The following NOL10 variants were observed in gnomAD, a reference collection of about 807,000 sequenced individuals.
NOL10 encodes nucleolar protein 10.
Under a neutral mutation model 103.5 loss-of-function variants are expected in NOL10, and 58 were observed. The ratio of observed to expected loss-of-function variants is 0.56; its 90% CI spans 0.45 to 0.70. The LOEUF (loss-of-function observed/expected upper bound fraction) is 0.70, where lower values mean the gene tolerates loss of function less well. NOL10 is among the 30% of genes least tolerant of loss of function. The probability of loss-of-function intolerance (pLI) is 0.00; values close to 1 mark genes in which losing one functional copy is unlikely to be tolerated. For missense variants in NOL10, 763 were observed against 807.3 expected, an observed-to-expected ratio of 0.95 and a Z score of 0.67; for synonymous variants, 287 against 282.5, an observed-to-expected ratio of 1.02 and a Z score of -0.16.
chr2:10,593,369 C>T (rs901054958), intron 17 of NOL10, among the ~76,000 whole-genome samples: 2 of 152,074 alleles, frequency 1.3e-5, no homozygotes, highest in Non-Finnish European at 2.9e-5. Flanking sequence ...AAACTTCTGA[C>T]CTGGTGATTC....
chr2:10,600,336 T>G (rs1212428900), intron 17 of NOL10, among the ~76,000 whole-genome samples: 1 of 152,222 alleles, frequency 6.6e-6, no homozygotes. Context: ...GAAGTTACAC[T>G]TCAGCCTGCA....
intron 1 of NOL10, among the ~76,000 whole-genome samples, chr2:10,686,539 T>C (rs1183266306): frequency 6.6e-6 from 1 of 152,114 alleles, no homozygotes; most frequent in Non-Finnish European, 1.5e-5. Context: ...AGGATCACCC[T>C]GGCAGCTTAC....
Position 10,646,661 on chromosome 2 carries a change from G to A in NOL10, c.974-2289C>T, listed in dbSNP as rs1264232826. Among the ~76,000 whole-genome samples the A allele has an allele frequency of 2.6e-5, 4 of 152,230 alleles. No homozygotes were observed. The South Asian group carries it at 8.3e-4, about 31-fold the overall frequency. On this transcript the variant is annotated intron_variant, in intron 12 of 20. Coordinates refer to ENST00000381685, the MANE Select transcript of NOL10 (RefSeq NM_024894.4). ...AGAAATTAAGATGATCAAGGCAGGAGAAGAGAAGAGCATGAGCATCGCGCC... is the reference window on the plus strand; with the variant it reads ...AGAAATTAAGATGATCAAGGCAGGAAAAGAGAAGAGCATGAGCATCGCGCC...
intron 20 of NOL10, among the ~76,000 whole-genome samples, chr2:10,574,860 C>T (rs1410281929): frequency 6.6e-6 from 1 of 152,170 alleles, no homozygotes; most frequent in Non-Finnish European, 1.5e-5. Context: ...TTTTGGGAAG[C>T]TCTGCCAGAC....
chr2:10,644,199 G>C, intron 13 of NOL10, 121 bp downstream of exon 13: 1 of 644,314 alleles, frequency 1.6e-6, no homozygotes, highest in Non-Finnish European at 2.5e-6. Context: ...AGTGGGCTGA[G>C]GCTGCACCAC....
In NOL10 at chr2:10,589,284, C is replaced by T. The variant is rs143884971; in HGVS notation, c.1603G>A (p.Glu535Lys). 3 of 1,613,526 alleles carry T rather than the reference C, an allele frequency of 1.9e-6. No homozygotes were observed. The highest frequency in any genetic ancestry group is 2.5e-6 in the Non-Finnish European group (3 of 1,179,852). ...EQQELREKEE[E>K]EEPEGKPSDA... is the part of the protein sequence containing the mutation. ...CTTGGTTTTCCTTCCGGCTCTTCCT[C>T]CTCTTCCTGAGAATAAAAATAGTAA... Residue 535 changes from glutamate to lysine, a missense_variant, in exon 19 of 21, where the codon GAG (glutamate) becomes AAG (lysine). Physicochemically the swap from Glu to Lys is moderately conservative, Grantham distance 56. Coordinates refer to ENST00000381685, the MANE Select transcript of NOL10 (RefSeq NM_024894.4).
intron 4 of NOL10, 149 bp from the exon 5 acceptor site, chr2:10,673,706 T>C (rs1016746801): frequency 5.6e-6 from 3 of 536,252 alleles, no homozygotes; most frequent in Non-Finnish European, 9.9e-6. Context: ...AAAATTGTCA[T>C]AGTATATTGT....
intron 20 of NOL10, among the ~76,000 whole-genome samples, chr2:10,573,472 G>A (rs1434986508): frequency 1.3e-5 from 2 of 152,028 alleles, no homozygotes; most frequent in African/African-American, 2.4e-5. Flanking sequence ...GATTACAGGC[G>A]TGCGCCACCG....
At chr2:10,628,443 G>C (rs956089338) in intron 13 of NOL10, among the ~76,000 whole-genome samples, 3 of 152,110 alleles carry the variant, frequency 2.0e-5, no homozygotes, top group Non-Finnish European at 4.4e-5. Context: ...TATAGATGCT[G>C]CTGCTGCTAG....
At position 10,572,004 on chromosome 2, in the gene NOL10, A is replaced by C; in HGVS notation, c.*67T>G. ...GTGTGTTTCCTCGTCTGTGTTTAAC[A>C]CCCTAACGATGATCAGTTTGGGGGA... On this transcript the variant is annotated 3_prime_UTR_variant, in exon 21 of 21. Transcript: ENST00000381685. The C allele has an allele frequency of 1.3e-6, 2 of 1,550,182 alleles. No homozygotes were observed. Among genetic ancestry groups the C allele is most frequent in the South Asian group, 1.1e-5 (1 of 88,228 alleles).
intron 20 of NOL10, among the ~76,000 whole-genome samples, chr2:10,573,854 C>T (rs180713194): frequency 1.4e-4 from 21 of 152,310 alleles, no homozygotes; most frequent in African/African-American, 5.1e-4. Context: ...CCACCCAAGC[C>T]CAGGCTGCTG....
chr2:10,688,604 T>C (rs1198500857), intron 1 of NOL10, among the ~76,000 whole-genome samples: 1 of 152,252 alleles, frequency 6.6e-6, no homozygotes, highest in Non-Finnish European at 1.5e-5. Context: ...CTCAATATTT[T>C]ATCCAAAACA....
At chr2:10,611,387 C>T (rs1676559113) in intron 13 of NOL10, among the ~76,000 whole-genome samples, 1 of 152,200 alleles carries the variant, frequency 6.6e-6, no homozygotes, top group South Asian at 2.1e-4. Flanking sequence ...ATGATCACTG[C>T]TTCTATGATT....
intron 12 of NOL10, among the ~76,000 whole-genome samples, chr2:10,648,501 C>A (rs554180723): frequency 6.6e-6 from 1 of 152,110 alleles, no homozygotes; most frequent in Admixed American, 6.5e-5. Flanking sequence ...TAACCTCTTA[C>A]GAGTTATTAG....
chr2:10,653,525 T>A (rs1679625870), intron 12 of NOL10, among the ~76,000 whole-genome samples: 1 of 151,974 alleles, frequency 6.6e-6, no homozygotes, highest in Non-Finnish European at 1.5e-5. Flanking sequence ...TCGGAACAAG[T>A]CCTCTCTGAC....
rs539414964 is a variant in NOL10, at chr2:10,648,950, A to C, written c.974-4578T>G. The stretch of plus-strand genomic sequence containing the variant: ...ACCTCAGTTATATCCTGGTTCAAAA[A>C]AACACAAAAAACAAACAAAAAAACC... On this transcript the variant is annotated intron_variant, in intron 12 of 20. Coordinates refer to ENST00000381685, the MANE Select transcript of NOL10 (RefSeq NM_024894.4). Among the ~76,000 whole-genome samples the C allele has an allele frequency of 4.0e-5, 6 of 151,552 alleles. No individual in the cohort carries two copies. The South Asian group carries it at 1.2e-3, about 32-fold the overall frequency.
intron 13 of NOL10, among the ~76,000 whole-genome samples, chr2:10,627,568 G>C (rs1373892293): frequency 6.6e-6 from 1 of 151,998 alleles, no homozygotes. Flanking sequence ...CCAGCTACTC[G>C]GGAGGCTGAG....
At chr2:10,646,944 G>A (rs943994579) in intron 12 of NOL10, among the ~76,000 whole-genome samples, 1 of 152,220 alleles carries the variant, frequency 6.6e-6, no homozygotes, top group Admixed American at 6.5e-5. Context: ...ATAACCGTAA[G>A]TACAGTGTGA....
chr2:10,664,023 A>G (rs1247451935), intron 8 of NOL10, among the ~76,000 whole-genome samples: 1 of 151,816 alleles, frequency 6.6e-6, no homozygotes, highest in African/African-American at 2.4e-5. Context: ...TAGGAGGCTG[A>G]GGCAGGAGAA....
Sources: allele counts gnomAD v4.1 joint callset (sites outside exome capture counted in the v4.1 genomes callset), GRCh38; gene constraint gnomAD v4.1.1; transcripts MANE v1.5; gene names NCBI Gene and HGNC (gene_info 2026-07-23, HGNC 2026-07-21).